The following EPM2A variants were observed in gnomAD, a reference collection of about 807,000 sequenced individuals.
The protein encoded by EPM2A is EPM2A glucan phosphatase, laforin, also known as laforin.
EPM2A carries 21 observed loss-of-function variants against 26.5 expected under a neutral mutation model. That is an observed-to-expected ratio of 0.79 (90% CI 0.56 to 1.14). The LOEUF is 1.14. Ranked by LOEUF, EPM2A falls within the 50% of genes most tolerant of loss-of-function variation. EPM2A has a pLI of 0.00. For synonymous variants in EPM2A, 217 were observed against 177.6 expected (o/e 1.22, Z -1.76); for missense variants, 458 against 440.8 (o/e 1.04, Z -0.35).
intron 4 of EPM2A, among the ~76,000 whole-genome samples, chr6:145,445,733 A>T (rs1025630348): frequency 3.9e-5 from 6 of 152,136 alleles, no homozygotes; most frequent in South Asian, 2.1e-4. Flanking sequence ...ATTTTCACTG[A>T]CATCATTATA....
intron 2 of EPM2A, among the ~76,000 whole-genome samples, chr6:145,596,238 A>G (rs1781342137): frequency 6.6e-6 from 1 of 152,224 alleles, no homozygotes; most frequent in African/African-American, 2.4e-5. Flanking sequence ...TGTTTGTATG[A>G]TAGGTAATTG....
intron 4 of EPM2A, among the ~76,000 whole-genome samples, chr6:145,388,086 G>T (rs1304118375): frequency 2.0e-5 from 3 of 152,186 alleles, no homozygotes; most frequent in Admixed American, 2.0e-4. Flanking sequence ...TAAAAATGAA[G>T]TAAATAATAT....
At chr6:145,393,025 C>T (rs1034774238) in intron 4 of EPM2A, among the ~76,000 whole-genome samples, 1 of 151,884 alleles carries the variant, frequency 6.6e-6, no homozygotes, top group Admixed American at 6.6e-5. Context: ...ATTCAGGCAT[C>T]AAAGATTTAA....
At chr6:145,432,250 A>G (rs1017005532) in intron 4 of EPM2A, among the ~76,000 whole-genome samples, 5 of 152,190 alleles carry the variant, frequency 3.3e-5, no homozygotes, top group African/African-American at 1.2e-4. Context: ...TCTTAATGGC[A>G]TCTAGAATGA....
chr6:145,609,117 T>C (rs549561506), intron 2 of EPM2A, among the ~76,000 whole-genome samples: 1 of 152,266 alleles, frequency 6.6e-6, no homozygotes, highest in Admixed American at 6.5e-5. Flanking sequence ...AGTAAGGAAA[T>C]AGTAAAATCC....
At chr6:145,557,298 C>T (rs1296608974) in intron 2 of EPM2A, among the ~76,000 whole-genome samples, 1 of 152,104 alleles carries the variant, frequency 6.6e-6, no homozygotes, top group African/African-American at 2.4e-5. Flanking sequence ...CCATTGGGTA[C>T]GATGTACACT....
At chr6:145,422,938 C>T (rs1212645462) in intron 4 of EPM2A, among the ~76,000 whole-genome samples, 1 of 151,770 alleles carries the variant, frequency 6.6e-6, no homozygotes, top group Non-Finnish European at 1.5e-5. Flanking sequence ...AATATTTAGC[C>T]TTGCTTATGT....
At chr6:145,390,441 C>T (rs1340491357) in intron 4 of EPM2A, among the ~76,000 whole-genome samples, 1 of 152,122 alleles carries the variant, frequency 6.6e-6, no homozygotes, top group East Asian at 1.9e-4. Context: ...CTTTCCAATT[C>T]CTAGGCTGTT....
At chr6:145,490,462 G>T in intron 4 of EPM2A, 1 of 724,808 alleles carries the variant, frequency 1.4e-6, no homozygotes, top group Non-Finnish European at 2.5e-6. Flanking sequence ...TTTTTCACCT[G>T]TATGTTTTCT....
chr6:145,607,288 CTG>C (rs1775283665), intron 2 of EPM2A, among the ~76,000 whole-genome samples: 1 of 152,132 alleles, frequency 6.6e-6, no homozygotes. Context: ...ACTCAAATGA[CTG>C]TATCATGGGA....
chr6:145,530,394 T>C (rs760491583), intron 2 of EPM2A, among the ~76,000 whole-genome samples: 3 of 152,210 alleles, frequency 2.0e-5, no homozygotes, highest in Non-Finnish European at 4.4e-5. Context: ...GAATTCCAAA[T>C]TAGTACACAC....
intron 4 of EPM2A, among the ~76,000 whole-genome samples, chr6:145,445,493 A>C (rs1779118210): frequency 1.3e-5 from 2 of 152,202 alleles, no homozygotes; most frequent in Admixed American, 1.3e-4. Flanking sequence ...TTTCAGAAGA[A>C]TAGATTACGA....
intron 4 of EPM2A, among the ~76,000 whole-genome samples, chr6:145,496,320 C>T (rs1779820287): frequency 6.6e-6 from 1 of 152,094 alleles, no homozygotes; most frequent in Non-Finnish European, 1.5e-5. Flanking sequence ...TGGGAATTTC[C>T]TGAATTTCCT....
chr6:145,541,733 C>T (rs1477752288), intron 2 of EPM2A, among the ~76,000 whole-genome samples: 1 of 151,918 alleles, frequency 6.6e-6, no homozygotes, highest in Non-Finnish European at 1.5e-5. Flanking sequence ...TGAGGATCCT[C>T]CAGAGGCAGA....
At chr6:145,729,585 C>T (rs572291242) in intron 1 of EPM2A, among the ~76,000 whole-genome samples, 3 of 152,174 alleles carry the variant, frequency 2.0e-5, no homozygotes, top group South Asian at 2.1e-4. Flanking sequence ...TTTTGACTAA[C>T]GTCTCCCTTT....
chr6:145,418,567 C>T (rs1388495233), intron 4 of EPM2A, among the ~76,000 whole-genome samples: 2 of 152,186 alleles, frequency 1.3e-5, no homozygotes, highest in African/African-American at 4.8e-5. Flanking sequence ...CTTTAGCAGA[C>T]ATGTGTTGCT....
intron 4 of EPM2A, among the ~76,000 whole-genome samples, chr6:145,479,064 A>C (rs912230355): frequency 6.6e-6 from 1 of 151,220 alleles, no homozygotes; most frequent in Non-Finnish European, 1.5e-5. Context: ...TGTGTCACTT[A>C]AGTTTTTGTC....
intron 1 of EPM2A, among the ~76,000 whole-genome samples, chr6:145,703,224 T>C (rs1782026485): frequency 6.6e-6 from 1 of 151,964 alleles, no homozygotes; most frequent in South Asian, 2.1e-4. Context: ...CCCAAGTAGC[T>C]GGAACTACAG....
intron 2 of EPM2A, among the ~76,000 whole-genome samples, chr6:145,530,856 G>A (rs550928663): frequency 6.6e-6 from 1 of 152,288 alleles, no homozygotes; most frequent in African/African-American, 2.4e-5. Flanking sequence ...TTACAAACAA[G>A]CCTCTGGATT....
Sources: gnomAD v4.1 joint callset for allele counts (sites outside exome capture counted in the v4.1 genomes callset) on GRCh38, gnomAD v4.1.1 for gene constraint, MANE v1.5 for transcripts, NCBI Gene and HGNC (gene_info 2026-07-23, HGNC 2026-07-21) for gene names.